CTNNA2: variants seen among roughly 807,000 people sequenced by gnomAD.
The protein encoded by CTNNA2 is catenin alpha 2.
In CTNNA2, 42 loss-of-function variants were observed where a neutral mutation model predicts 101.0. The ratio of observed to expected loss-of-function variants is 0.42; its 90% CI spans 0.32 to 0.54. CTNNA2 has a LOEUF of 0.54. CTNNA2 is among the 20% of genes least tolerant of loss of function. CTNNA2 has a pLI of 0.14. For synonymous variants in CTNNA2, 450 were observed against 456.4 expected, an observed-to-expected ratio of 0.99 and a Z score of 0.18; for missense variants, 871 against 1,223.1, an observed-to-expected ratio of 0.71 and a Z score of 4.29.
intron 1 of CTNNA2, among the ~76,000 whole-genome samples, chr2:79,576,345 T>C (rs191362559): frequency 6.6e-6 from 1 of 152,330 alleles, no homozygotes; most frequent in African/African-American, 2.4e-5. Flanking sequence ...TTTTTTGATG[T>C]CTTGTTTTGA....
At chr2:80,305,430 G>A in intron 7 of CTNNA2, 1 of 961,628 alleles carries the variant, frequency 1.0e-6, no homozygotes, top group Non-Finnish European at 1.2e-6. Flanking sequence ...TGTACTGTCT[G>A]ACATGGGGAG....
intron 7 of CTNNA2, among the ~76,000 whole-genome samples, chr2:80,083,708 GTAT>G (rs1699280237): frequency 1.3e-5 from 2 of 152,188 alleles, no homozygotes; most frequent in East Asian, 1.9e-4. Context: ...ATTCCATGTG[GTAT>G]TATTTGAGTA....
chr2:79,952,962 TAAC>T (rs1330728559), intron 7 of CTNNA2, among the ~76,000 whole-genome samples: 2 of 152,248 alleles, frequency 1.3e-5, no homozygotes, highest in African/African-American at 4.8e-5. Flanking sequence ...CTAAAATTCT[TAAC>T]AAAGTCTTTC....
Position 79,772,042 on chromosome 2 carries a change from T to C in CTNNA2, c.298+27460T>C, listed in dbSNP as rs73941308. Among the ~76,000 whole-genome samples, 882 of 151,754 alleles carry C rather than the reference T, an allele frequency of 5.8e-3. 8 individuals are homozygous for C. Among genetic ancestry groups the C allele is most frequent in the African/African-American group, 0.02 (844 of 41,324 alleles). ...TCCTCTTCTTTTTTTTTCTTTTCTTTTGATGGTGCCAGAGAGGATAGAGAA... is the reference window on the plus strand; with the variant it reads ...TCCTCTTCTTTTTTTTTCTTTTCTTCTGATGGTGCCAGAGAGGATAGAGAA... On this transcript the variant is annotated intron_variant, in intron 3 of 18. Transcript: ENST00000402739.
intron 2 of CTNNA2, among the ~76,000 whole-genome samples, chr2:79,223,511 T>G (rs1216235902): frequency 6.6e-6 from 1 of 152,166 alleles, no homozygotes; most frequent in African/African-American, 2.4e-5. Context: ...TTAGACGAAG[T>G]AGTTACTGAG....
chr2:80,332,203 C>A (rs953428444), intron 7 of CTNNA2, among the ~76,000 whole-genome samples: 5 of 152,180 alleles, frequency 3.3e-5, no homozygotes, highest in African/African-American at 1.2e-4. Flanking sequence ...CAAACAAACT[C>A]ACTCACTGTT....
chr2:80,205,282 A>C (rs969117879), intron 7 of CTNNA2, among the ~76,000 whole-genome samples: 5 of 152,202 alleles, frequency 3.3e-5, no homozygotes, highest in African/African-American at 1.2e-4. Flanking sequence ...GAAAAAGAAA[A>C]AAAACCATAC....
chr2:80,503,956 G>A (rs1412581576), intron 9 of CTNNA2, among the ~76,000 whole-genome samples: 7 of 152,104 alleles, frequency 4.6e-5, no homozygotes, highest in Non-Finnish European at 1.0e-4. Flanking sequence ...TAAGGGAATG[G>A]TATTCATTTT....
At chr2:79,918,465 C>T (rs569895931) in intron 7 of CTNNA2, among the ~76,000 whole-genome samples, 10 of 152,142 alleles carry the variant, frequency 6.6e-5, no homozygotes, top group Non-Finnish European at 1.3e-4. Flanking sequence ...AGTCTGGATT[C>T]CCAGTTAATG....
chr2:80,434,212 G>C (rs955203344), intron 9 of CTNNA2, among the ~76,000 whole-genome samples: 9 of 152,182 alleles, frequency 5.9e-5, no homozygotes, highest in Admixed American at 5.9e-4. Flanking sequence ...ATGACAAGTT[G>C]TCTTAGAAAT....
intron 7 of CTNNA2, among the ~76,000 whole-genome samples, chr2:80,230,670 A>G (rs894059222): frequency 3.9e-5 from 6 of 152,130 alleles, no homozygotes; most frequent in African/African-American, 1.4e-4. Flanking sequence ...TCTCCTGGGC[A>G]TTGTCATGTG....
chr2:80,498,319 G>T (rs547876119), intron 9 of CTNNA2, among the ~76,000 whole-genome samples: 3 of 152,282 alleles, frequency 2.0e-5, no homozygotes, highest in African/African-American at 7.2e-5. Flanking sequence ...TACTGATTTC[G>T]TGGAGCAATT....
intron 7 of CTNNA2, among the ~76,000 whole-genome samples, chr2:80,272,443 A>G (rs1673570222): frequency 6.6e-6 from 1 of 152,222 alleles, no homozygotes; most frequent in South Asian, 2.1e-4. Flanking sequence ...AAATCTTTCT[A>G]TGTTTATTTC....
intron 7 of CTNNA2, among the ~76,000 whole-genome samples, chr2:80,257,245 A>G (rs1672243652): frequency 6.6e-6 from 1 of 151,644 alleles, no homozygotes; most frequent in Admixed American, 6.6e-5. Context: ...AAATATATGT[A>G]TATAAATACA....
chr2:79,597,530 A>G (rs1475901859), intron 1 of CTNNA2, among the ~76,000 whole-genome samples: 3 of 152,096 alleles, frequency 2.0e-5, no homozygotes, highest in African/African-American at 2.4e-5. Context: ...AAAATATGCA[A>G]CAGTGGGACT....
At chr2:80,031,057 TA>T (rs150204564) in intron 7 of CTNNA2, among the ~76,000 whole-genome samples, 6,986 of 152,294 alleles carry the variant, frequency 0.046, 276 homozygotes, top group Admixed American at 0.12. Flanking sequence ...TATGCATAGA[TA>T]TTTTTTAATG....
At chr2:79,354,884 T>C (rs1291111622) in intron 3 of CTNNA2, among the ~76,000 whole-genome samples, 2 of 152,170 alleles carry the variant, frequency 1.3e-5, no homozygotes, top group Non-Finnish European at 2.9e-5. Flanking sequence ...ATTTAGAGTG[T>C]TTTCTCTAAA....
chr2:79,687,168 G>A (rs902229370), intron 2 of CTNNA2, among the ~76,000 whole-genome samples: 3 of 152,112 alleles, frequency 2.0e-5, no homozygotes, highest in Admixed American at 6.6e-5. Flanking sequence ...GGAATCAAGA[G>A]TGTTGGTTGA....
At position 79,720,531 on chromosome 2, in the gene CTNNA2, C is replaced by T. The variant is rs140662083; in HGVS notation, c.103-23856C>T. On this transcript the variant is annotated intron_variant, in intron 2 of 18. Coordinates refer to ENST00000402739, the MANE Select transcript of CTNNA2 (RefSeq NM_001282597.3). The stretch of plus-strand genomic sequence containing the variant: ...ATTCTTCCAATCTATAAACATGGAA[C>T]GCTTTTCATTTATTCGTGTTTTCTC... Among the ~76,000 whole-genome samples, 413 of 152,118 alleles carry T rather than the reference C, an allele frequency of 2.7e-3. 3 individuals carry two copies. The highest frequency in any genetic ancestry group is 9.1e-3 in the African/African-American group (379 of 41,524).
Sources: gnomAD v4.1 joint callset for allele counts (sites outside exome capture counted in the v4.1 genomes callset) on GRCh38, gnomAD v4.1.1 for gene constraint, MANE v1.5 for transcripts, NCBI Gene and HGNC (gene_info 2026-07-23, HGNC 2026-07-21) for gene names.